EDDM13: variants seen among roughly 807,000 people sequenced by gnomAD.
The protein encoded by EDDM13 is epididymal protein 13.
A neutral mutation model predicts 17.8 loss-of-function variants in EDDM13; 24 were observed. The ratio of observed to expected loss-of-function variants is 1.35; its 90% confidence interval spans 0.98 to 1.90. The LOEUF is 1.90. Among genes scored for constraint, EDDM13 ranks in the 40% most tolerant of loss-of-function variants. The pLI is 0.00. For missense variants in EDDM13, 97 were observed against 100.8 expected, an observed-to-expected ratio of 0.96 and a Z score of 0.16; for synonymous variants, 31 against 37.5, an observed-to-expected ratio of 0.83 and a Z score of 0.63.
chr19:56,298,456 T>C (rs1198157620), intron 12 of EDDM13, among the ~76,000 whole-genome samples: 2 of 151,948 alleles, frequency 1.3e-5, no homozygotes, highest in Non-Finnish European at 2.9e-5. Flanking sequence ...CCCAACATGA[T>C]GAAACCCCGT....
At chr19:56,305,255 CCT>C (rs35368637) in intron 14 of EDDM13, among the ~76,000 whole-genome samples, 10,884 of 152,182 alleles carry the variant, frequency 0.072, 586 homozygotes, top group East Asian at 0.24. Flanking sequence ...GTCTCTTCCC[CCT>C]GTTCCTGGCA....
chr19:56,304,007 A>T (rs2147295012), intron 13 of EDDM13, among the ~76,000 whole-genome samples: 1 of 152,316 alleles, frequency 6.6e-6, no homozygotes, highest in South Asian at 2.1e-4. Flanking sequence ...TAAGGTTCTC[A>T]TAGACCACGA....
intron 13 of EDDM13, among the ~76,000 whole-genome samples, chr19:56,302,398 T>C (rs2040311345): frequency 1.4e-5 from 2 of 138,200 alleles, no homozygotes; most frequent in African/African-American, 5.3e-5. Flanking sequence ...TCCCTCCCTA[T>C]TCTTTCCTCC....
At chr19:56,276,461 G>C (rs1485448793) in intron 2 of EDDM13, among the ~76,000 whole-genome samples, 1 of 151,150 alleles carries the variant, frequency 6.6e-6, no homozygotes, top group African/African-American at 2.4e-5. Context: ...CATGGTCTTA[G>C]GGCCACTGAA....
intron 5 of EDDM13, among the ~76,000 whole-genome samples, chr19:56,284,780 T>C (rs2038980154): frequency 6.6e-6 from 1 of 152,090 alleles, no homozygotes; most frequent in South Asian, 2.1e-4. Context: ...CCCAAAGTGC[T>C]AGGATTACAG....
chr19:56,285,748 G>A (rs2039065837), intron 6 of EDDM13, among the ~76,000 whole-genome samples: 1 of 152,060 alleles, frequency 6.6e-6, no homozygotes, highest in Admixed American at 6.6e-5. Context: ...CAAAGTGCTG[G>A]GATTACAGGC....
chr19:56,299,617 G>A (rs2040100853), intron 12 of EDDM13, among the ~76,000 whole-genome samples: 1 of 152,158 alleles, frequency 6.6e-6, no homozygotes, highest in African/African-American at 2.4e-5. Flanking sequence ...ATTCCTTGAT[G>A]TTCAAGTCCG....
At chr19:56,273,401 C>T (rs764193062) in intron 1 of EDDM13, among the ~76,000 whole-genome samples, 2 of 152,200 alleles carry the variant, frequency 1.3e-5, no homozygotes, top group African/African-American at 2.4e-5. Context: ...CCCATTTCCT[C>T]ATTCGATCCA....
intron 1 of EDDM13, among the ~76,000 whole-genome samples, chr19:56,275,724 GT>G (rs997211584): frequency 8.5e-5 from 13 of 152,356 alleles, no homozygotes; most frequent in East Asian, 3.9e-4. Flanking sequence ...TGAGAACAGA[GT>G]TTGGGGTGTC....
At chr19:56,301,799 C>T in intron 12 of EDDM13, 169 bp from the exon 13 acceptor site, 1 of 659,962 alleles carries the variant, frequency 1.5e-6, no homozygotes, top group Admixed American at 4.4e-5. Flanking sequence ...ATGGTGGTAA[C>T]CAAGAAGGGG....
intron 13 of EDDM13, among the ~76,000 whole-genome samples, chr19:56,302,545 G>GCTCCTCCCTCCCTCCCCCCTTCCTTTTC (rs2040354748): frequency 4.6e-5 from 1 of 21,592 alleles, no homozygotes; most frequent in Non-Finnish European, 9.7e-5. Flanking sequence ...CTTCCTCCCC[G>GCTCCTCCCTCCCTCCCCCCTTCCTTTTC]TTCCTCCCTC....
chr19:56,285,743 T>A (rs2039065382), intron 6 of EDDM13, among the ~76,000 whole-genome samples: 2 of 152,198 alleles, frequency 1.3e-5, no homozygotes, highest in Non-Finnish European at 2.9e-5. Context: ...CCTCCCAAAG[T>A]GCTGGGATTA....
intron 5 of EDDM13, 65 bp downstream of exon 5, chr19:56,284,271 G>T (rs2038937212): frequency 1.6e-6 from 1 of 643,788 alleles, no homozygotes; most frequent in African/African-American, 2.0e-5. Flanking sequence ...TTTGGGCTTT[G>T]CTCTAGAATG....
chr19:56,278,655 C>G (rs1366883700), intron 2 of EDDM13, among the ~76,000 whole-genome samples: 1 of 152,224 alleles, frequency 6.6e-6, no homozygotes, highest in African/African-American at 2.4e-5. Flanking sequence ...GGTCTGCAAG[C>G]TGCAGAACCA....
intron 12 of EDDM13, among the ~76,000 whole-genome samples, chr19:56,301,373 C>T (rs2040217305): frequency 6.6e-6 from 1 of 152,066 alleles, no homozygotes; most frequent in African/African-American, 2.4e-5. Flanking sequence ...AGTTGCCATG[C>T]CATCTGTGAA....
chr19:56,307,270 A>G (rs910294919), intron 14 of EDDM13, among the ~76,000 whole-genome samples: 1 of 152,176 alleles, frequency 6.6e-6, no homozygotes, highest in Non-Finnish European at 1.5e-5. Flanking sequence ...CCCTTTTTAC[A>G]TTAAAAAATG....
intron 13 of EDDM13, among the ~76,000 whole-genome samples, chr19:56,303,427 A>G (rs1451500187): frequency 1.3e-5 from 2 of 151,726 alleles, no homozygotes; most frequent in Admixed American, 1.3e-4. Context: ...GCAGTGAGCC[A>G]AGATCACACC....
At chr19:56,273,141 T>A (rs2037975589) in intron 1 of EDDM13, among the ~76,000 whole-genome samples, 1 of 152,200 alleles carries the variant, frequency 6.6e-6, no homozygotes, top group Middle Eastern at 3.2e-3. Context: ...CTGGTTTCTA[T>A]CACTGATTCT....
At chr19:56,306,284 CT>C (rs755848511) in intron 14 of EDDM13, among the ~76,000 whole-genome samples, 17 of 152,116 alleles carry the variant, frequency 1.1e-4, no homozygotes, top group South Asian at 2.1e-4. Flanking sequence ...GAGGGTCCCC[CT>C]GGCCTCTCCC....
Sources: gnomAD v4.1 joint callset for allele counts (sites outside exome capture counted in the v4.1 genomes callset) on GRCh38, gnomAD v4.1.1 for gene constraint, MANE v1.5 for transcripts, NCBI Gene and HGNC (gene_info 2026-07-23, HGNC 2026-07-21) for gene names.